The following PCSK5 variants were observed in gnomAD, a reference collection of about 807,000 sequenced individuals.
The protein encoded by PCSK5 is prohormone convertase 5.
Under a neutral mutation model 233.2 loss-of-function variants are expected in PCSK5, and 129 were observed. The observed-to-expected ratio is 0.55, with a 90% CI of 0.48 to 0.64. PCSK5 has a LOEUF of 0.64. PCSK5 is among the 30% of genes least tolerant of loss of function. The pLI, the probability that PCSK5 is intolerant of heterozygous loss-of-function variation, is 0.00. For missense variants in PCSK5, 2,076 were observed against 2,430.1 expected, an observed-to-expected ratio of 0.85 and a Z score of 3.06; for synonymous variants, 825 against 879.2, an observed-to-expected ratio of 0.94 and a Z score of 1.09.
In PCSK5 at chr9:76,066,379, A is replaced by G. The variant is rs1243649299; in HGVS notation, c.633-1576A>G. Among the ~76,000 whole-genome samples, 8 of 152,142 alleles carry G rather than the reference A, an allele frequency of 5.3e-5. No individual in the cohort carries two copies. The East Asian group carries it at 1.3e-3, about 26-fold the overall frequency. On this transcript the variant is annotated intron_variant, in intron 5 of 37. Coordinates refer to ENST00000674117, the MANE Select transcript of PCSK5 (RefSeq NM_001372043.1). ...TACAACTTTTATGAGTTTTGGTTAT[A>G]TTACTTTTTTGTGCTGTTAACAATT... is the stretch of plus-strand genomic sequence containing the variant.
chr9:76,339,912 A>G (rs1829782891), intron 35 of PCSK5, among the ~76,000 whole-genome samples: 1 of 152,156 alleles, frequency 6.6e-6, no homozygotes, highest in Admixed American at 6.5e-5. Flanking sequence ...TGTCTTAAGG[A>G]CTTGTCTTCC....
At chr9:75,948,263 A>G (rs1824671062) in intron 2 of PCSK5, among the ~76,000 whole-genome samples, 2 of 151,420 alleles carry the variant, frequency 1.3e-5, no homozygotes, top group African/African-American at 2.4e-5. Context: ...GCTCCCATCA[A>G]CTCGTCATTT....
At chr9:75,986,612 A>C (rs922609765) in intron 3 of PCSK5, among the ~76,000 whole-genome samples, 1 of 152,176 alleles carries the variant, frequency 6.6e-6, no homozygotes, top group Non-Finnish European at 1.5e-5. Flanking sequence ...TGTACCTTGA[A>C]ACTAGTCTAG....
chr9:76,233,679 C>T (rs1826166682), intron 22 of PCSK5, 83 bp downstream of exon 22: 2 of 1,303,824 alleles, frequency 1.5e-6, no homozygotes, highest in Admixed American at 1.8e-5. Context: ...ACCCAAAAGC[C>T]TTGTGTCTGG....
At chr9:76,038,892 A>G (rs999242061) in intron 5 of PCSK5, among the ~76,000 whole-genome samples, 6 of 152,182 alleles carry the variant, frequency 3.9e-5, no homozygotes, top group South Asian at 4.1e-4. Context: ...TAATTCTTCC[A>G]TAGGTTGATT....
In PCSK5 at chr9:75,908,935, C is replaced by CTG. The variant is rs1564074955; in HGVS notation, c.192+17563_192+17564insGT. 3.2e-3 allele frequency among the ~76,000 whole-genome samples: 377 copies of CTG among 116,272 alleles called. 3 individuals carry two copies. Among genetic ancestry groups the CTG allele is most frequent in the Admixed American group, 6.6e-3 (73 of 10,990 alleles). 76.3% of individuals were successfully genotyped at this position (116,272 alleles called of 152,430 possible). On this transcript the variant is annotated intron_variant, in intron 1 of 37. Transcript: ENST00000674117. ...TCTATCTATCTATCTCTCTATCTCT[C>CTG]TCTCTGTCTATCTATCTATCTATCT...
rs529421688 is a variant in PCSK5 at position 75,944,978 on chromosome 9, G to A, written c.297+12495G>A. On this transcript the variant is annotated intron_variant, in intron 2 of 37. Coordinates refer to ENST00000674117, the MANE Select transcript of PCSK5 (RefSeq NM_001372043.1). Reference sequence around the variant, plus strand: ...TACAAAATTAGCCGGGTGTAGTGGTGCATGCCTGTAATCCCAACTACTCGG... The same window carrying A: ...TACAAAATTAGCCGGGTGTAGTGGTACATGCCTGTAATCCCAACTACTCGG... Among the ~76,000 whole-genome samples, 61 of 151,946 alleles carry A rather than the reference G, an allele frequency of 4.0e-4. 3 individuals carry two copies. In the East Asian group the frequency reaches 0.011, roughly 26 times the overall value.
chr9:76,300,167 C>T (rs1828559761), intron 27 of PCSK5, among the ~76,000 whole-genome samples: 1 of 151,994 alleles, frequency 6.6e-6, no homozygotes, highest in Non-Finnish European at 1.5e-5. Context: ...GAAAGTCACT[C>T]ACATGTGAAA....
intron 9 of PCSK5, among the ~76,000 whole-genome samples, chr9:76,120,575 ATTATGTC>A (rs779633200): frequency 1.3e-4 from 19 of 151,990 alleles, no homozygotes; most frequent in Non-Finnish European, 2.6e-4. Flanking sequence ...TGCTATTACC[ATTATGTC>A]TTTAACTGAT....
chr9:75,957,886 T>C (rs758870184), intron 2 of PCSK5, among the ~76,000 whole-genome samples: 4 of 152,206 alleles, frequency 2.6e-5, no homozygotes, highest in Non-Finnish European at 5.9e-5. Flanking sequence ...CTGTTTTCTT[T>C]TAGGTAATTC....
intron 24 of PCSK5, among the ~76,000 whole-genome samples, chr9:76,266,200 T>C (rs767228639): frequency 2.1e-4 from 32 of 152,200 alleles, no homozygotes; most frequent in Non-Finnish European, 4.7e-4. Context: ...TACTGAAGCA[T>C]TAGCATAGTC....
intron 1 of PCSK5, among the ~76,000 whole-genome samples, chr9:75,928,603 A>ATATATGTATATATATG (rs1490527039): frequency 1.1e-5 from 1 of 92,606 alleles, no homozygotes; most frequent in African/African-American, 5.3e-5. Flanking sequence ...ATACATATAT[A>ATATATGTATATATATG]TATATATATA....
chr9:76,188,522 T>C, intron 17 of PCSK5, 56 bp from the exon 18 acceptor site: 2 of 1,092,162 alleles, frequency 1.8e-6, no homozygotes, highest in Non-Finnish European at 2.8e-6. Context: ...GGGGAGTCAT[T>C]ACGTTTTGGC....
chr9:75,891,032 G>C lies in PCSK5; in HGVS notation c.-150G>C. 1 of 541,736 alleles carries C rather than the reference G, an allele frequency of 1.8e-6. No individual in the cohort carries two copies. Among genetic ancestry groups the C allele is most frequent in the Non-Finnish European group, 2.9e-6 (1 of 343,338 alleles). 33.6% of individuals were successfully genotyped at this position (541,736 alleles called of 1,614,324 possible). ...GGCTCGCTGCTCTGCTCCCTGCCGG[G>C]GCTAGCCGCCTCCTGCCGATCGCCC... On this transcript the variant is annotated 5_prime_UTR_variant, in exon 1 of 38. Coordinates refer to ENST00000674117, the MANE Select transcript of PCSK5 (RefSeq NM_001372043.1).
intron 1 of PCSK5, among the ~76,000 whole-genome samples, chr9:75,902,765 G>A (rs569006201): frequency 6.6e-6 from 1 of 152,122 alleles, no homozygotes; most frequent in Non-Finnish European, 1.5e-5. Flanking sequence ...CATTCTCTTT[G>A]GATAAATGTA....
At chr9:76,183,857 A>G (rs1008063834) in intron 16 of PCSK5, among the ~76,000 whole-genome samples, 1 of 152,240 alleles carries the variant, frequency 6.6e-6, no homozygotes, top group Non-Finnish European at 1.5e-5. Flanking sequence ...CCACTTGCAT[A>G]TCAGAGCAGG....
chr9:75,998,767 C>A (rs748248218), intron 3 of PCSK5, among the ~76,000 whole-genome samples: 7 of 152,090 alleles, frequency 4.6e-5, no homozygotes, highest in African/African-American at 7.2e-5. Context: ...CAATAATTAC[C>A]AACTCAAGGC....
intron 2 of PCSK5, among the ~76,000 whole-genome samples, chr9:75,976,072 C>T (rs568464615): frequency 4.9e-4 from 75 of 152,118 alleles, no homozygotes; most frequent in African/African-American, 1.7e-3. Context: ...CATGAGCAAT[C>T]GAAATTGTTT....
At chr9:76,320,419 ACT>A (rs1184734225) in intron 30 of PCSK5, among the ~76,000 whole-genome samples, 1 of 127,318 alleles carries the variant, frequency 7.9e-6, no homozygotes, top group African/African-American at 3.0e-5. Flanking sequence ...ACACAGCAAG[ACT>A]CTGTCTCAAA....
Sources: allele counts gnomAD v4.1 joint callset (sites outside exome capture counted in the v4.1 genomes callset), GRCh38; gene constraint gnomAD v4.1.1; transcripts MANE v1.5; gene names NCBI Gene and HGNC (gene_info 2026-07-23, HGNC 2026-07-21).